The following DCC variants were observed in gnomAD, a reference collection of about 807,000 sequenced individuals.
The protein encoded by DCC is DCC netrin 1 receptor, also known as netrin receptor DCC.
A neutral mutation model predicts 172.5 loss-of-function variants in DCC; 58 were observed. That is an observed-to-expected ratio of 0.34 (90% CI 0.27 to 0.42). The LOEUF (loss-of-function observed/expected upper bound fraction) is 0.42. DCC is among the 10% of genes least tolerant of loss of function. DCC has a pLI of 1.00. For missense variants in DCC, 1,740 were observed against 1,791.0 expected, an observed-to-expected ratio of 0.97 and a Z score of 0.51; for synonymous variants, 709 against 644.5, an observed-to-expected ratio of 1.10 and a Z score of -1.52.
At chr18:53,281,165 A>G (rs1287413792) in intron 12 of DCC, among the ~76,000 whole-genome samples, 1 of 152,168 alleles carries the variant, frequency 6.6e-6, no homozygotes, top group Non-Finnish European at 1.5e-5. Context: ...TGGGTAATTG[A>G]AAACAGTATA....
intron 9 of DCC, among the ~76,000 whole-genome samples, chr18:53,197,841 T>A (rs1040844191): frequency 6.6e-6 from 1 of 152,086 alleles, no homozygotes; most frequent in Non-Finnish European, 1.5e-5. Flanking sequence ...GATAGTTGAA[T>A]GAAAACAGAG....
intron 2 of DCC, among the ~76,000 whole-genome samples, chr18:52,761,637 A>G (rs528459192): frequency 6.6e-6 from 1 of 152,242 alleles, no homozygotes; most frequent in African/African-American, 2.4e-5. Flanking sequence ...ACTGGGAATG[A>G]ACAAACACAA....
intron 7 of DCC, among the ~76,000 whole-genome samples, chr18:53,095,747 T>A (rs2067970213): frequency 6.6e-6 from 1 of 151,872 alleles, no homozygotes; most frequent in South Asian, 2.1e-4. Flanking sequence ...AATGTCTTTT[T>A]TTACCATGTA....
chr18:53,255,257 C>T (rs909932722), intron 12 of DCC, among the ~76,000 whole-genome samples: 5 of 151,494 alleles, frequency 3.3e-5, no homozygotes, highest in African/African-American at 4.9e-5. Context: ...GGTACATGTG[C>T]ACAACATGCA....
At chr18:52,922,895 T>A (rs988402919) in intron 3 of DCC, among the ~76,000 whole-genome samples, 1 of 152,182 alleles carries the variant, frequency 6.6e-6, no homozygotes, top group Non-Finnish European at 1.5e-5. Flanking sequence ...CCACCTGATA[T>A]AATCTTAGCA....
chr18:52,438,216 G>A (rs1276601447), intron 1 of DCC, among the ~76,000 whole-genome samples: 2 of 152,118 alleles, frequency 1.3e-5, no homozygotes, highest in African/African-American at 2.4e-5. Context: ...TCTCAACTGG[G>A]TTCTCGACAT....
intron 2 of DCC, among the ~76,000 whole-genome samples, chr18:52,840,864 G>A (rs879571734): frequency 1.2e-4 from 18 of 152,162 alleles, no homozygotes; most frequent in Non-Finnish European, 2.2e-4. Context: ...ACTACAAAAT[G>A]AAGTCTGAAT....
At chr18:52,969,164 T>C (rs2040982241) in intron 5 of DCC, among the ~76,000 whole-genome samples, 1 of 152,168 alleles carries the variant, frequency 6.6e-6, no homozygotes. Flanking sequence ...TTCTTGGTTT[T>C]TACTGCTATT....
intron 2 of DCC, among the ~76,000 whole-genome samples, chr18:52,805,229 G>A (rs1325931240): frequency 2.0e-5 from 3 of 152,096 alleles, no homozygotes; most frequent in Admixed American, 1.3e-4. Flanking sequence ...CAACGCAAAT[G>A]GAATAGTTTC....
chr18:53,223,884 G>A (rs1046679457), intron 12 of DCC, among the ~76,000 whole-genome samples: 4 of 152,084 alleles, frequency 2.6e-5, no homozygotes, highest in African/African-American at 7.2e-5. Flanking sequence ...TGTAATAATG[G>A]CAGTAACCTT....
intron 2 of DCC, among the ~76,000 whole-genome samples, chr18:52,860,564 C>T (rs925844889): frequency 5.9e-5 from 9 of 152,224 alleles, no homozygotes; most frequent in Non-Finnish European, 8.8e-5. Context: ...ATTTCTCCTC[C>T]GGTTCCCCTT....
chr18:53,512,379 C>T, intron 27 of DCC, among the ~76,000 whole-genome samples: 2 of 150,974 alleles, frequency 1.3e-5, no homozygotes, highest in African/African-American at 4.9e-5. Context: ...AACAGAAAAA[C>T]TGGAAACTCT....
intron 2 of DCC, among the ~76,000 whole-genome samples, chr18:52,802,403 A>G (rs941028670): frequency 7.9e-5 from 12 of 151,844 alleles, no homozygotes; most frequent in African/African-American, 2.9e-4. Context: ...TACGTAATTG[A>G]CCCTTGAACA....
chr18:52,982,893 C>A (rs949190780), intron 5 of DCC, among the ~76,000 whole-genome samples: 1 of 152,140 alleles, frequency 6.6e-6, no homozygotes, highest in Non-Finnish European at 1.5e-5. Context: ...AATGACACAT[C>A]CAACTTTCAC....
rs1181229492 is a variant in DCC, at chr18:53,157,372, T to C, written c.1278T>C (p.Ser426=). 11 of 1,614,100 alleles carry C rather than the reference T, an allele frequency of 6.8e-6. No homozygotes were observed. The highest frequency in any genetic ancestry group is 1.1e-5 in the South Asian group (1 of 91,082). The change falls in exon 8 of 29, where the codon AGT becomes AGC. Residue 426 remains serine, a synonymous_variant. Transcript: ENST00000442544. ...IVPKPAIPSS[S]VLPSAPRDVV... ...TCTCCTTAGCTATCCCAAGCTCCAG[T>C]GTCCTCCCTTCGGCTCCCAGAGATG... is the stretch of plus-strand genomic sequence containing the variant.
chr18:52,695,368 C>T (rs886239963), intron 1 of DCC, among the ~76,000 whole-genome samples: 1 of 152,136 alleles, frequency 6.6e-6, no homozygotes, highest in Non-Finnish European at 1.5e-5. Flanking sequence ...TGAAACTCTT[C>T]AATTATTAAT....
chr18:53,008,759 C>T (rs577571185), intron 5 of DCC, among the ~76,000 whole-genome samples: 1 of 151,906 alleles, frequency 6.6e-6, no homozygotes, highest in South Asian at 2.1e-4. Flanking sequence ...AAAAAATTCT[C>T]AATACATGCT....
At chr18:52,942,277 T>G (rs750224881) in intron 5 of DCC, among the ~76,000 whole-genome samples, 39 of 152,346 alleles carry the variant, frequency 2.6e-4, no homozygotes, top group Non-Finnish European at 4.9e-4. Flanking sequence ...TTTTCTGTCT[T>G]AATCTGGTTT....
chr18:52,518,432 T>C (rs935775091), intron 1 of DCC, among the ~76,000 whole-genome samples: 1 of 152,184 alleles, frequency 6.6e-6, no homozygotes, highest in Non-Finnish European at 1.5e-5. Flanking sequence ...AATGAAAATA[T>C]TATTGGCTTG....
Sources: gnomAD v4.1 joint callset for allele counts (sites outside exome capture counted in the v4.1 genomes callset) on GRCh38, gnomAD v4.1.1 for gene constraint, MANE v1.5 for transcripts, NCBI Gene and HGNC (gene_info 2026-07-23, HGNC 2026-07-21) for gene names.